Variants in GLRX3 observed in about 807,000 individuals in gnomAD.
GLRX3 encodes the protein glutaredoxin 3, also known as glutaredoxin-3.
Under a neutral mutation model 49.5 loss-of-function variants are expected in GLRX3, and 22 were observed. That is an observed-to-expected ratio of 0.44 (90% CI 0.32 to 0.63). The LOEUF is 0.63. Among genes scored for constraint, GLRX3 ranks in the 30% least tolerant of loss-of-function variants. The probability of loss-of-function intolerance (pLI) is 0.05; values close to 1 mark genes in which losing one functional copy is unlikely to be tolerated. For missense variants in GLRX3, 385 were observed against 396.3 expected, an observed-to-expected ratio of 0.97 and a Z score of 0.24; for synonymous variants, 133 against 140.0, an observed-to-expected ratio of 0.95 and a Z score of 0.35.
At chr10:130,137,320 A>G (rs1394375273) in intron 1 of GLRX3, among the ~76,000 whole-genome samples, 1 of 152,238 alleles carries the variant, frequency 6.6e-6, no homozygotes, top group African/African-American at 2.4e-5. Flanking sequence ...AAGCATGCTT[A>G]CGAGTAAATG....
chr10:130,145,444 C>A (rs1452429147), intron 2 of GLRX3, 125 bp downstream of exon 2: 2 of 542,398 alleles, frequency 3.7e-6, no homozygotes, highest in Non-Finnish European at 6.9e-6. Context: ...GGGCAGATCA[C>A]CTGAGTTCAG....
chr10:130,155,411 A>G (rs894508710), intron 2 of GLRX3, among the ~76,000 whole-genome samples: 1 of 152,206 alleles, frequency 6.6e-6, no homozygotes, highest in Non-Finnish European at 1.5e-5. Context: ...TGCAGAATAG[A>G]AGCAGGTACC....
At chr10:130,141,169 A>C (rs906924356) in intron 1 of GLRX3, among the ~76,000 whole-genome samples, 2 of 152,134 alleles carry the variant, frequency 1.3e-5, no homozygotes, top group African/African-American at 4.8e-5. Flanking sequence ...CCAAAGCCCA[A>C]CTTTACAAAG....
intron 8 of GLRX3, 136 bp downstream of exon 8, chr10:130,171,772 C>T (rs1862814538): frequency 7.7e-6 from 5 of 645,242 alleles, no homozygotes; most frequent in Non-Finnish European, 1.1e-5. Flanking sequence ...TCGAGACCAG[C>T]CTGGACAACA....
intron 6 of GLRX3, among the ~76,000 whole-genome samples, chr10:130,168,200 G>A (rs974538448): frequency 8.5e-5 from 13 of 152,362 alleles, no homozygotes; most frequent in Admixed American, 7.8e-4. Flanking sequence ...AGGGCTCCGA[G>A]TGAGCAGAGT....
At chr10:130,137,564 C>T (rs1206194693) in intron 1 of GLRX3, among the ~76,000 whole-genome samples, 3 of 152,294 alleles carry the variant, frequency 2.0e-5, no homozygotes, top group Non-Finnish European at 2.9e-5. Context: ...CCGACGGTGA[C>T]ATAGATTAGC....
Position 130,179,604 on chromosome 10 carries a change from A to G in GLRX3, c.*212A>G, listed in dbSNP as rs1354446277. 9.9e-6 allele frequency: 5 copies of G among 505,264 alleles called. No individual in the cohort carries two copies. The highest frequency in any genetic ancestry group is 1.8e-5 in the Non-Finnish European group (5 of 283,878). The allele number at this position is 505,264 out of a possible 1,614,324, so 31.3% of individuals were successfully genotyped here. ...ATGCAATAAACATCTTCAAATTATT[A>G]ACAATAATTGTATGAAAAAAGTGTA... On this transcript the variant is annotated 3_prime_UTR_variant, in exon 11 of 11. Coordinates refer to ENST00000331244, the MANE Select transcript of GLRX3 (RefSeq NM_006541.5).
chr10:130,148,075 G>GT (rs1862301532), intron 2 of GLRX3, among the ~76,000 whole-genome samples: 1 of 152,118 alleles, frequency 6.6e-6, no homozygotes, highest in South Asian at 2.1e-4. Context: ...GTTAATGAGA[G>GT]TTTTTGGAAA....
rs950893135 is a variant in GLRX3 at position 130,136,417 on chromosome 10, C to A, written c.-4C>A. On this transcript the variant is annotated 5_prime_UTR_variant, in exon 1 of 11. Transcript: ENST00000331244. ...CTGGATTGCTTCTGTCTGGCGGCGGCAGCATGGCGGCGGGGGCGGCTGAGG... is the reference window on the plus strand; with the variant it reads ...CTGGATTGCTTCTGTCTGGCGGCGGAAGCATGGCGGCGGGGGCGGCTGAGG... The A allele has an allele frequency of 2.9e-5, 36 of 1,253,086 alleles. No individual in the cohort carries two copies. The highest frequency in any genetic ancestry group is 3.3e-5 in the Non-Finnish European group (33 of 992,842). The allele number at this position is 1,253,086 out of a possible 1,614,324, so 77.6% of individuals were successfully genotyped here. A position where few individuals can be genotyped will look rare whatever the true frequency, so the allele number is the denominator to read the frequency against.
At chr10:130,171,741 A>G in intron 8 of GLRX3, 105 bp downstream of exon 8, 1 of 752,174 alleles carries the variant, frequency 1.3e-6, no homozygotes. Context: ...TAAGACAGGA[A>G]TATTGCTTGA....
intron 4 of GLRX3, among the ~76,000 whole-genome samples, chr10:130,164,037 A>T (rs1479858633): frequency 6.6e-6 from 1 of 152,208 alleles, no homozygotes; most frequent in Non-Finnish European, 1.5e-5. Flanking sequence ...TAAATTTTAT[A>T]TCTAGAAAAC....
intron 7 of GLRX3, among the ~76,000 whole-genome samples, chr10:130,170,267 G>T (rs530411965): frequency 6.6e-6 from 1 of 152,300 alleles, no homozygotes; most frequent in Non-Finnish European, 1.5e-5. Context: ...TGAAAGGTGA[G>T]GCTGTTGGAA....
At chr10:130,154,229 T>G (rs560093372) in intron 2 of GLRX3, among the ~76,000 whole-genome samples, 1 of 152,192 alleles carries the variant, frequency 6.6e-6, no homozygotes, top group Non-Finnish European at 1.5e-5. Flanking sequence ...TTCCTTCAGG[T>G]ACAATCACTC....
intron 4 of GLRX3, among the ~76,000 whole-genome samples, chr10:130,162,828 TTTGGGGAC>T (rs1862600747): frequency 6.6e-6 from 1 of 152,176 alleles, no homozygotes; most frequent in African/African-American, 2.4e-5. Context: ...CCTTAGCAAC[TTTGGGGAC>T]AAGTCAGGTA....
At position 130,160,258 on chromosome 10, in the gene GLRX3, G is replaced by C. The variant is rs1590066632; in HGVS notation, c.276+189G>C. ...AGAAGACCATGCCAGCTGCTTGCCA[G>C]CATCTTAGAAAAGTAGCATGGACTG... On this transcript the variant is annotated intron_variant, in intron 3 of 10. Coordinates refer to ENST00000331244, the MANE Select transcript of GLRX3 (RefSeq NM_006541.5). Among the ~76,000 whole-genome samples, 6 of 152,328 alleles carry C rather than the reference G, an allele frequency of 3.9e-5. No homozygotes were observed. In the South Asian group the frequency reaches 1.2e-3, roughly 32 times the overall value.
chr10:130,153,147 C>T (rs1399192895), intron 2 of GLRX3, among the ~76,000 whole-genome samples: 1 of 152,180 alleles, frequency 6.6e-6, no homozygotes, highest in African/African-American at 2.4e-5. Context: ...TGGTTTTCAG[C>T]TCCATCAGGT....
At chr10:130,174,938 C>A (rs1458711899) in intron 9 of GLRX3, 32 bp downstream of exon 9, 2 of 1,582,872 alleles carry the variant, frequency 1.3e-6, no homozygotes, top group Admixed American at 1.7e-5. Flanking sequence ...TCACCCTTGT[C>A]TTAGCTTTAA....
At position 130,148,712 on chromosome 10, in the gene GLRX3, G is replaced by T. The variant is rs186910472; in HGVS notation, c.201+3393G>T. Among the ~76,000 whole-genome samples the T allele has an allele frequency of 1.9e-4, 29 of 152,020 alleles. 2 individuals are homozygous for T. The highest frequency in any genetic ancestry group is 1.8e-3 in the Admixed American group (28 of 15,266). On this transcript the variant is annotated intron_variant, in intron 2 of 10. Transcript: ENST00000331244. ...TTGGAATTGAATGCTGAAAGACAAG[G>T]TTTTCATATTTATTGCATCTGAATC...
intron 6 of GLRX3, among the ~76,000 whole-genome samples, chr10:130,168,569 C>T (rs867101114): frequency 3.0e-4 from 45 of 152,208 alleles, no homozygotes; most frequent in Admixed American, 6.5e-4. Flanking sequence ...CTCAGCCTCC[C>T]GGGTAGCCGT....
Sources: allele counts gnomAD v4.1 joint callset (sites outside exome capture counted in the v4.1 genomes callset), GRCh38; gene constraint gnomAD v4.1.1; transcripts MANE v1.5; gene names NCBI Gene and HGNC (gene_info 2026-07-23, HGNC 2026-07-21).